KCNH7: variants seen among roughly 807,000 people sequenced by gnomAD.
KCNH7 encodes potassium voltage-gated channel subfamily H member 7, also known as voltage-gated inwardly rectifying potassium channel KCNH7.
A neutral mutation model predicts 120.8 loss-of-function variants in KCNH7; 49 were observed. The ratio of observed to expected loss-of-function variants is 0.41; its 90% confidence interval spans 0.32 to 0.51. The LOEUF is 0.51. Ranked by LOEUF, KCNH7 falls within the 20% of genes least tolerant of loss-of-function variation. The probability of loss-of-function intolerance (pLI) is 0.38; values close to 1 mark genes in which losing one functional copy is unlikely to be tolerated. For synonymous variants in KCNH7, 547 were observed against 516.1 expected (o/e 1.06, Z -0.81); for missense variants, 1,097 against 1,446.6 (o/e 0.76, Z 3.92).
intron 4 of KCNH7, among the ~76,000 whole-genome samples, chr2:162,514,537 T>C (rs1401300344): frequency 6.6e-6 from 1 of 151,792 alleles, no homozygotes; most frequent in Non-Finnish European, 1.5e-5. Flanking sequence ...GAGATCTGCT[T>C]GTTATTCTTC....
At chr2:162,624,889 G>T (rs972467563) in intron 2 of KCNH7, among the ~76,000 whole-genome samples, 5 of 69,714 alleles carry the variant, frequency 7.2e-5, no homozygotes, top group Non-Finnish European at 4.9e-5. Context: ...TGCACTCTTG[G>T]TTTTTTTTTT....
chr2:162,644,093 C>T (rs1684266478), intron 2 of KCNH7, among the ~76,000 whole-genome samples: 1 of 151,934 alleles, frequency 6.6e-6, no homozygotes, highest in Admixed American at 6.6e-5. Context: ...TACCCCCGCC[C>T]CCCACATCAA....
chr2:162,419,274 TAAAAAAA>T (rs758417385), intron 9 of KCNH7, among the ~76,000 whole-genome samples: 1 of 61,872 alleles, frequency 1.6e-5, no homozygotes, highest in South Asian at 5.8e-4. Flanking sequence ...TGTCCCAGGC[TAAAAAAA>T]AAAAAAAAAA....
At chr2:162,498,706 T>G (rs1171890392) in intron 6 of KCNH7, among the ~76,000 whole-genome samples, 1 of 152,058 alleles carries the variant, frequency 6.6e-6, no homozygotes, top group Non-Finnish European at 1.5e-5. Context: ...AAGAGTCTTC[T>G]TTTTCTGGGA....
At position 162,704,073 on chromosome 2, in the gene KCNH7, C is replaced by T. The variant is rs192495854; in HGVS notation, c.307+132464G>A. Among the ~76,000 whole-genome samples the T allele has an allele frequency of 2.0e-5, 3 of 152,114 alleles. 1 individual carries two copies. Among genetic ancestry groups the T allele is most frequent in the Admixed American group, 1.3e-4 (2 of 15,242 alleles). On this transcript the variant is annotated intron_variant, in intron 2 of 15. Transcript: ENST00000332142. ...ACATTTTAAAGGGTTACAGTGAAAA[C>T]TATAATATTAGCAAATAACTATATG... is the stretch of plus-strand genomic sequence containing the variant.
At chr2:162,418,613 A>T (rs944153856) in intron 9 of KCNH7, among the ~76,000 whole-genome samples, 1 of 152,162 alleles carries the variant, frequency 6.6e-6, no homozygotes, top group Admixed American at 6.6e-5. Context: ...TCTGGCCCAG[A>T]TGAAGTCTTT....
intron 9 of KCNH7, 106 bp from the exon 10 acceptor site, chr2:162,400,547 G>A (rs552155726): frequency 6.3e-6 from 7 of 1,112,866 alleles, no homozygotes; most frequent in East Asian, 2.4e-5. Flanking sequence ...TCATTGCCAC[G>A]CAGGAGTTCC....
At chr2:162,715,337 T>A (rs1687074710) in intron 2 of KCNH7, among the ~76,000 whole-genome samples, 1 of 152,124 alleles carries the variant, frequency 6.6e-6, no homozygotes, top group Admixed American at 6.6e-5. Context: ...GAGCTCACTG[T>A]CACGAAGACA....
At chr2:162,759,731 G>GGAA (rs2105448695) in intron 2 of KCNH7, among the ~76,000 whole-genome samples, 1 of 151,404 alleles carries the variant, frequency 6.6e-6, no homozygotes, top group Admixed American at 6.6e-5. Context: ...GAGGAAGAGA[G>GGAA]GAAAGAGTAG....
chr2:162,585,400 A>C (rs1693993653), intron 2 of KCNH7, among the ~76,000 whole-genome samples: 1 of 152,092 alleles, frequency 6.6e-6, no homozygotes. Flanking sequence ...TGCAGAAAGC[A>C]ACAGTTGAAT....
intron 14 of KCNH7, among the ~76,000 whole-genome samples, chr2:162,379,183 T>C (rs913571521): frequency 5.9e-5 from 9 of 152,304 alleles, no homozygotes; most frequent in African/African-American, 2.2e-4. Context: ...AAGGCTACTA[T>C]TGGATCAAGA....
chr2:162,400,306 T>C lies in KCNH7; in HGVS notation c.2290A>G (p.Thr764Ala). The C allele has an allele frequency of 6.2e-7, 1 of 1,612,494 alleles. No homozygotes were observed. The highest frequency in any genetic ancestry group is 8.5e-7 in the Non-Finnish European group (1 of 1,179,044). The change falls in exon 10 of 16, where the codon ACC becomes GCC. Residue 764 changes from threonine to alanine, a missense_variant. Thr to Ala is a moderately conservative substitution (Grantham distance 58, BLOSUM62 0). Coordinates refer to ENST00000332142, the MANE Select transcript of KCNH7 (RefSeq NM_033272.4). ...AGGGTGTCTCCTGGAGGTGCATGGG[T>C]GGTTTTGAACTTCATTGCCAAAGCT... Reference protein sequence around the residue: ...LRALAMKFKTTHAPPGDTLVH... With the variant: ...LRALAMKFKTAHAPPGDTLVH...
At chr2:162,770,656 A>C (rs1026062087) in intron 2 of KCNH7, among the ~76,000 whole-genome samples, 7 of 151,462 alleles carry the variant, frequency 4.6e-5, no homozygotes, top group African/African-American at 1.5e-4. Flanking sequence ...CATTATGAGA[A>C]AGTAATGTTT....
chr2:162,777,595 A>G (rs1006549354), intron 2 of KCNH7, among the ~76,000 whole-genome samples: 9 of 152,124 alleles, frequency 5.9e-5, no homozygotes, highest in African/African-American at 2.2e-4. Context: ...GCACTATGCT[A>G]AGTGCTTTAC....
intron 2 of KCNH7, among the ~76,000 whole-genome samples, chr2:162,630,774 G>A (rs756678395): frequency 4.6e-5 from 7 of 152,054 alleles, no homozygotes; most frequent in African/African-American, 7.2e-5. Flanking sequence ...AATAGCACCC[G>A]TGAGAAAATA....
chr2:162,536,378 AGG>A (rs1692108108), intron 3 of KCNH7, among the ~76,000 whole-genome samples: 2 of 151,936 alleles, frequency 1.3e-5, no homozygotes, highest in Admixed American at 1.3e-4. Context: ...AAACTAATTG[AGG>A]TACTACTTCT....
chr2:162,441,999 C>CTTTTT (rs779418084), intron 7 of KCNH7, among the ~76,000 whole-genome samples: 3,730 of 41,510 alleles, frequency 0.09, 1,482 homozygotes, highest in Non-Finnish European at 0.14. Flanking sequence ...GTTAGGTCTT[C>CTTTTT]TTTTTTTTTT....
chr2:162,617,673 A>G (rs1284814651), intron 2 of KCNH7, among the ~76,000 whole-genome samples: 1 of 152,146 alleles, frequency 6.6e-6, no homozygotes, highest in East Asian at 1.9e-4. Context: ...AATTGTTTGG[A>G]GAAAAATTGT....
chr2:162,577,835 G>A (rs1405077360), intron 2 of KCNH7, among the ~76,000 whole-genome samples: 1 of 151,992 alleles, frequency 6.6e-6, no homozygotes, highest in East Asian at 1.9e-4. Context: ...TTGTTTGATA[G>A]AATTTTCCAC....
Sources: gnomAD v4.1 joint callset for allele counts (sites outside exome capture counted in the v4.1 genomes callset) on GRCh38, gnomAD v4.1.1 for gene constraint, MANE v1.5 for transcripts, NCBI Gene and HGNC (gene_info 2026-07-23, HGNC 2026-07-21) for gene names.